The following NOC2L variants were observed in gnomAD, a reference collection of about 807,000 sequenced individuals.
The protein encoded by NOC2L is NOC2 like nucleolar associated transcriptional repressor.
A neutral mutation model predicts 94.2 loss-of-function variants in NOC2L; 101 were observed. The observed-to-expected ratio is 1.07, with a 90% CI of 0.91 to 1.26. NOC2L has a LOEUF of 1.26. NOC2L is among the 50% of genes most tolerant of loss of function. NOC2L has a pLI of 0.00. For synonymous variants in NOC2L, 531 were observed against 413.4 expected (o/e 1.28, Z -3.45); for missense variants, 1,076 against 980.1 (o/e 1.10, Z -1.31).
At position 953,356 on chromosome 1, in the gene NOC2L, A is replaced by G. The variant is rs1642309884; in HGVS notation, c.889-68T>C. Reference sequence around the variant, plus strand: ...AGCAGGGATGCCCCAGGGCCAGCACAGCCCTCCCCAGCCAGGCAAAGGCTC... The same window carrying G: ...AGCAGGGATGCCCCAGGGCCAGCACGGCCCTCCCCAGCCAGGCAAAGGCTC... On this transcript the variant is annotated intron_variant, in intron 8 of 18. Coordinates refer to ENST00000327044, the MANE Select transcript of NOC2L (RefSeq NM_015658.4). The G allele has an allele frequency of 8.8e-6, 8 of 905,944 alleles. No individual in the cohort carries two copies. The East Asian group carries it at 1.8e-4, about 20-fold the overall frequency. The allele number at this position is 905,944 out of a possible 1,614,324, so 56.1% of individuals were successfully genotyped here.
At position 952,176 on chromosome 1, in the gene NOC2L, T is replaced by C. The variant is rs772814220; in HGVS notation, c.1192-37A>G. The C allele has an allele frequency of 1.9e-6, 3 of 1,611,678 alleles. No individual in the cohort carries two copies. In the South Asian group the frequency reaches 3.3e-5, roughly 18 times the overall value. Reference sequence around the variant, plus strand: ...GAACCACGTCAGCTACTGGCCAGGCTGACAAGTCAGGCTGATGCACGTTCC... The same window carrying C: ...GAACCACGTCAGCTACTGGCCAGGCCGACAAGTCAGGCTGATGCACGTTCC... On this transcript the variant is annotated intron_variant, in intron 10 of 18. Coordinates refer to ENST00000327044, the MANE Select transcript of NOC2L (RefSeq NM_015658.4).
intron 6 of NOC2L, 80 bp downstream of exon 6, chr1:955,843 G>C: frequency 2.5e-6 from 3 of 1,221,756 alleles, no homozygotes; most frequent in Admixed American, 1.9e-5. Context: ...CTCTGTCCTA[G>C]CCACAAGGCC....
In NOC2L at chr1:956,011, A is replaced by C. The variant is rs1198925677; in HGVS notation, c.610T>G (p.Phe204Val). ...ATGCAGAAGGTAACCAGAGCATTGA[A>C]TGCTGCAACGAAAAGGCCTGGATGT... is the stretch of plus-strand genomic sequence containing the variant. Reference protein sequence around the residue: ...NKFQVTDSAAFNALVTFCIRD... With the variant: ...NKFQVTDSAAVNALVTFCIRD... The change falls in exon 6 of 19, where the codon TTC (phenylalanine) becomes GTC (valine). Residue 204 changes from phenylalanine (F) to valine (V), a missense_variant and splice_region_variant. Coordinates refer to ENST00000327044, the MANE Select transcript of NOC2L (RefSeq NM_015658.4). The C allele has an allele frequency of 6.2e-6, 10 of 1,613,942 alleles. No individual in the cohort carries two copies. In the Admixed American group the frequency reaches 1.7e-4, roughly 27 times the overall value.
intron 12 of NOC2L, among the ~76,000 whole-genome samples, chr1:950,647 A>G (rs1034708730): frequency 1.2e-4 from 16 of 129,734 alleles, no homozygotes; most frequent in East Asian, 2.2e-4. Context: ...AGATGCACAC[A>G]TGAACTGATA....
At chr1:951,375 G>A (rs892628294) in intron 11 of NOC2L, 137 bp from the exon 12 acceptor site, 7 of 673,684 alleles carry the variant, frequency 1.0e-5, no homozygotes, top group African/African-American at 1.8e-5. Flanking sequence ...GAACCCCAGG[G>A]ACCTGCACCC....
chr1:949,674 A>C (rs1642201059), intron 12 of NOC2L, among the ~76,000 whole-genome samples: 1 of 152,216 alleles, frequency 6.6e-6, no homozygotes, highest in Non-Finnish European at 1.5e-5. Flanking sequence ...TGGACAAGGG[A>C]AACAGACACA....
In NOC2L at chr1:948,607, C is replaced by T. The variant is rs1642177503; in HGVS notation, c.1444-4G>A. ...TGAAGTCGACCTGCTGGAACATCTG[C>T]CCCAAGGGCCGTGTCAGGCTCTCTC... On this transcript the variant is annotated splice_region_variant and splice_polypyrimidine_tract_variant and intron_variant, in intron 12 of 18. Transcript: ENST00000327044. 6.2e-7 allele frequency: 1 copy of T among 1,608,572 alleles called. No homozygotes were observed. The highest frequency in any genetic ancestry group is 1.3e-5 in the African/African-American group (1 of 74,828).
At chr1:953,921 C>T (rs1372969290) in intron 7 of NOC2L, 29 bp from the exon 8 acceptor site, 1 of 1,609,964 alleles carries the variant, frequency 6.2e-7, no homozygotes, top group Non-Finnish European at 8.5e-7. Context: ...AGTGAAGCCC[C>T]AAACCCATGT....
In NOC2L at chr1:946,317, C is replaced by T. The variant is rs1468957783; in HGVS notation, c.1804-31G>A. 3.1e-6 allele frequency: 5 copies of T among 1,611,142 alleles called. No individual in the cohort carries two copies. The African/African-American group carries it at 6.7e-5, about 22-fold the overall frequency. On this transcript the variant is annotated intron_variant, in intron 15 of 18. Transcript: ENST00000327044. ...GGGTTGGGGGAGTTCAGGGTCATGCCTCACCCTGGGCAAACCCCCACATGT... is the reference window on the plus strand; with the variant it reads ...GGGTTGGGGGAGTTCAGGGTCATGCTTCACCCTGGGCAAACCCCCACATGT...
At position 954,049 on chromosome 1, in the gene NOC2L, C is replaced by A. The variant is rs760775033; in HGVS notation, c.732G>T (p.Gly244=). ...AAGCCTTGATGTCCACACGAAGCTT[C>A]CCCCAGAGCGGGCTGCTGGACGGCT... The part of the protein sequence containing the change: ...MLQPSSSPLW[G]KLRVDIKAYL... The change falls in exon 7 of 19, where the codon GGG becomes GGT. Residue 244 remains glycine, a synonymous_variant. Transcript: ENST00000327044. 88 of 1,609,262 alleles carry A rather than the reference C, an allele frequency of 5.5e-5. 2 individuals are homozygous for A. In the South Asian group the frequency reaches 9.1e-4, roughly 17 times the overall value.
chr1:952,312 G>A, intron 10 of NOC2L, 100 bp downstream of exon 10: 1 of 1,484,348 alleles, frequency 6.7e-7, no homozygotes, highest in Non-Finnish European at 9.2e-7. Context: ...GCTGTCTCCA[G>A]ACAGGGGCTT....
chr1:956,830 T>G, intron 4 of NOC2L, 64 bp downstream of exon 4: 2 of 1,601,256 alleles, frequency 1.2e-6, no homozygotes, highest in Non-Finnish European at 1.7e-6. Flanking sequence ...GCTGCTCACC[T>G]CAGGTGAGGC....
intron 16 of NOC2L, 92 bp from the exon 17 acceptor site, chr1:945,745 C>T: frequency 2.0e-6 from 3 of 1,499,266 alleles, no homozygotes; most frequent in Non-Finnish European, 9.2e-7. Context: ...ACCACCAGGG[C>T]CCCATGTGGC....
intron 12 of NOC2L, among the ~76,000 whole-genome samples, chr1:950,053 C>G (rs1642210437): frequency 1.3e-5 from 2 of 152,232 alleles, no homozygotes. Context: ...ACCTGAGTGG[C>G]ATGTGCACGT....
intron 6 of NOC2L, 121 bp downstream of exon 6, chr1:955,802 C>A: frequency 1.2e-6 from 1 of 862,226 alleles, no homozygotes; most frequent in Non-Finnish European, 1.9e-6. Context: ...TTCTCAGGGT[C>A]CCCAAGAAGA....
At position 944,709 on chromosome 1, in the gene NOC2L, G is replaced by T; in HGVS notation, c.2235C>A (p.Leu745=). 2 of 1,598,396 alleles carry T rather than the reference G, an allele frequency of 1.3e-6. No individual in the cohort carries two copies. The highest frequency in any genetic ancestry group is 2.2e-5 in the South Asian group (2 of 90,722). ...ATGGGCTGCCTCAGTCGTCCTCTGAGAGCTGCAGATCCTCCAGCTCGTCCT... is the reference window on the plus strand; with the variant it reads ...ATGGGCTGCCTCAGTCGTCCTCTGATAGCTGCAGATCCTCCAGCTCGTCCT... The part of the protein sequence containing the change: ...GPEDELEDLQ[L]SEDD Residue 745 remains leucine (L), a synonymous_variant, in exon 19 of 19, where the codon CTC becomes CTA. Coordinates refer to ENST00000327044, the MANE Select transcript of NOC2L (RefSeq NM_015658.4).
Position 946,262 on chromosome 1 carries a change from C to G in NOC2L, c.1828G>C (p.Glu610Gln). The change falls in exon 16 of 19, where the codon GAA becomes CAA. Residue 610 changes from glutamate to glutamine, a missense_variant. Physicochemically the swap from Glu to Gln is conservative, Grantham distance 29. Coordinates refer to ENST00000327044, the MANE Select transcript of NOC2L (RefSeq NM_015658.4). The part of the protein sequence containing the change: ...AVEAWEKLTR[E>Q]EGTPLTLYYS... Reference sequence around the variant, plus strand: ...TACAAGGTCAGGGGTGTCCCCTCTTCCCGGGTCAGCTTCTCCCAGGCTTCC... The same window carrying G: ...TACAAGGTCAGGGGTGTCCCCTCTTGCCGGGTCAGCTTCTCCCAGGCTTCC... 6.2e-7 allele frequency: 1 copy of G among 1,613,716 alleles called. No homozygotes were observed.
intron 2 of NOC2L, chr1:958,679 G>A (rs768110744): frequency 1.2e-5 from 8 of 683,704 alleles, no homozygotes; most frequent in African/African-American, 3.5e-5. Context: ...CCAAGAACGT[G>A]AGAGTTCTCC....
chr1:945,469 A>G (rs1041205686), intron 17 of NOC2L, 49 bp downstream of exon 17: 1 of 1,606,344 alleles, frequency 6.2e-7, no homozygotes, highest in African/African-American at 1.3e-5. Flanking sequence ...GAAGTCCAGC[A>G]GAGCCCTCCA....
Sources: gnomAD v4.1 joint callset for allele counts (sites outside exome capture counted in the v4.1 genomes callset) on GRCh38, gnomAD v4.1.1 for gene constraint, MANE v1.5 for transcripts, NCBI Gene and HGNC (gene_info 2026-07-23, HGNC 2026-07-21) for gene names.